LMO7: variants seen among roughly 807,000 people sequenced by gnomAD.
The protein encoded by LMO7 is LIM domain only protein 7.
Under a neutral mutation model 206.5 loss-of-function variants are expected in LMO7, and 120 were observed. That is an observed-to-expected ratio of 0.58 (90% CI 0.50 to 0.68). The LOEUF is 0.68. Among genes scored for constraint, LMO7 ranks in the 30% least tolerant of loss-of-function variants. LMO7 has a pLI of 0.00. For missense variants in LMO7, 1,959 were observed against 1,957.9 expected (o/e 1.00, Z -0.01); for synonymous variants, 706 against 681.5 (o/e 1.04, Z -0.56).
intron 10 of LMO7, 98 bp downstream of exon 10, chr13:75,808,297 A>G (rs2055820606): frequency 2.2e-6 from 3 of 1,337,300 alleles, no homozygotes; most frequent in South Asian, 1.6e-5. Flanking sequence ...TCAACTCTGC[A>G]TGTCGCGTGC....
intron 2 of LMO7, among the ~76,000 whole-genome samples, chr13:75,716,101 C>T (rs891177102): frequency 6.6e-6 from 1 of 152,108 alleles, no homozygotes; most frequent in Non-Finnish European, 1.5e-5. Context: ...TTAGAAACCT[C>T]TAGGCATTCT....
chr13:75,669,386 G>A (rs969094870), intron 1 of LMO7, among the ~76,000 whole-genome samples: 2 of 151,886 alleles, frequency 1.3e-5, no homozygotes, highest in Admixed American at 6.6e-5. Flanking sequence ...CCGCCGCCCC[G>A]CCAAATCTGT....
intron 1 of LMO7, among the ~76,000 whole-genome samples, chr13:75,711,904 C>T (rs986635734): frequency 6.6e-6 from 1 of 152,238 alleles, no homozygotes; most frequent in African/African-American, 2.4e-5. Flanking sequence ...AGCAGCAGTG[C>T]AGCCCTTCTG....
chr13:75,627,201 T>C (rs1243422760), intron 2 of LMO7: 2 of 152,134 alleles, frequency 1.3e-5, no homozygotes, highest in East Asian at 3.9e-4. Context: ...AAACCGTACT[T>C]AAGAGTATCC....
intron 14 of LMO7, 40 bp from the exon 15 acceptor site, chr13:75,823,525 T>C: frequency 7.0e-7 from 1 of 1,435,278 alleles, no homozygotes. Context: ...GAAATAAAGG[T>C]AACAGAATAT....
intron 11 of LMO7, among the ~76,000 whole-genome samples, chr13:75,812,658 A>T (rs532600948): frequency 6.6e-6 from 1 of 152,234 alleles, no homozygotes; most frequent in South Asian, 2.1e-4. Context: ...AGAGAGTAAG[A>T]CTTTAGCAAC....
At chr13:75,734,703 C>T (rs1045948266) in intron 3 of LMO7, among the ~76,000 whole-genome samples, 1 of 152,072 alleles carries the variant, frequency 6.6e-6, no homozygotes, top group Admixed American at 6.6e-5. Flanking sequence ...ACATAAAGTT[C>T]CCAGAGCAGC....
upstream of LMO7, chr13:75,631,809 G>A (rs961341137): frequency 6.6e-6 from 1 of 152,354 alleles, no homozygotes; most frequent in African/African-American, 2.4e-5. Flanking sequence ...TGGGCAGCAA[G>A]TAGCAAGTCC....
chr13:75,781,027 A>C (rs1244761006), intron 4 of LMO7, among the ~76,000 whole-genome samples: 3 of 150,840 alleles, frequency 2.0e-5, no homozygotes, highest in African/African-American at 7.3e-5. Flanking sequence ...ACTTTAAAAA[A>C]TACATTTATA....
chr13:75,718,972 GTC>G (rs908220487), intron 2 of LMO7, among the ~76,000 whole-genome samples: 6 of 150,098 alleles, frequency 4.0e-5, no homozygotes, highest in African/African-American at 1.5e-4. Context: ...GATAGCTCAT[GTC>G]TCTCTCTTTT....
intron 15 of LMO7, among the ~76,000 whole-genome samples, chr13:75,826,072 G>A (rs916108104): frequency 1.3e-5 from 2 of 151,512 alleles, no homozygotes; most frequent in African/African-American, 2.4e-5. Flanking sequence ...ATAGGGTCTT[G>A]CTCTGTTGCC....
chr13:75,626,442 A>G (rs4885335), intron 2 of LMO7, among the ~76,000 whole-genome samples: 112,429 of 149,980 alleles, frequency 0.75, 42,430 homozygotes, highest in East Asian at 0.92. Context: ...GCAGGGGAAA[A>G]ACCGGCCCAC....
At chr13:75,672,842 A>G (rs967452891) in intron 1 of LMO7, among the ~76,000 whole-genome samples, 1 of 152,224 alleles carries the variant, frequency 6.6e-6, no homozygotes, top group Non-Finnish European at 1.5e-5. Context: ...CTTTTCTGTT[A>G]ACTATGTTCT....
At chr13:75,813,958 TTA>T (rs1487471885) in intron 11 of LMO7, among the ~76,000 whole-genome samples, 1 of 152,248 alleles carries the variant, frequency 6.6e-6, no homozygotes, top group Non-Finnish European at 1.5e-5. Flanking sequence ...CTGCCTCTTC[TTA>T]GTGAGTCTGT....
chr13:75,652,965 A>T (rs1265432688), intron 1 of LMO7, among the ~76,000 whole-genome samples: 3 of 152,168 alleles, frequency 2.0e-5, no homozygotes, highest in African/African-American at 7.2e-5. Flanking sequence ...CAGTATCTGT[A>T]CAAGTAGTCA....
At chr13:75,695,640 T>C (rs767193029) in intron 1 of LMO7, among the ~76,000 whole-genome samples, 11 of 152,184 alleles carry the variant, frequency 7.2e-5, no homozygotes, top group Non-Finnish European at 1.3e-4. Context: ...CTACCACGCC[T>C]GGCCTGGAAT....
chr13:75,777,646 TG>T (rs1433032411), intron 4 of LMO7, among the ~76,000 whole-genome samples: 1 of 94,972 alleles, frequency 1.1e-5, no homozygotes. Flanking sequence ...TTTCTTTTCT[TG>T]TTTTTTTTTT....
intron 4 of LMO7, among the ~76,000 whole-genome samples, chr13:75,793,361 C>T (rs1447638903): frequency 5.3e-5 from 8 of 152,234 alleles, no homozygotes; most frequent in South Asian, 2.1e-4. Flanking sequence ...CTGCAACCTC[C>T]GCCTCCCGGG....
chr13:75,623,071 T>C (rs911876680), intron 1 of LMO7, among the ~76,000 whole-genome samples: 1 of 152,242 alleles, frequency 6.6e-6, no homozygotes, highest in Non-Finnish European at 1.5e-5. Context: ...TAAAATATTG[T>C]TACTATTTTA....
Sources: gnomAD v4.1 joint callset for allele counts (sites outside exome capture counted in the v4.1 genomes callset) on GRCh38, gnomAD v4.1.1 for gene constraint, MANE v1.5 for transcripts, NCBI Gene and HGNC (gene_info 2026-07-23, HGNC 2026-07-21) for gene names.